PRKN: variants seen among roughly 807,000 people sequenced by gnomAD.
The protein encoded by PRKN is parkin RBR E3 ubiquitin protein ligase, also known as E3 ubiquitin-protein ligase parkin.
PRKN carries 56 observed loss-of-function variants against 59.5 expected under a neutral mutation model. The ratio of observed to expected loss-of-function variants is 0.94; its 90% confidence interval spans 0.76 to 1.18. The LOEUF is 1.18. PRKN is among the 50% of genes most tolerant of loss of function. The probability of loss-of-function intolerance (pLI) is 0.00; values close to 1 mark genes in which losing one functional copy is unlikely to be tolerated. For synonymous variants in PRKN, 250 were observed against 222.1 expected, an observed-to-expected ratio of 1.13 and a Z score of -1.12; for missense variants, 657 against 596.4, an observed-to-expected ratio of 1.10 and a Z score of -1.06.
chr6:161,420,118 G>A (rs1309234188), intron 9 of PRKN, among the ~76,000 whole-genome samples: 1 of 151,726 alleles, frequency 6.6e-6, no homozygotes, highest in Non-Finnish European at 1.5e-5. Flanking sequence ...CGTGCCTGTA[G>A]TCCCAGCTAC....
At chr6:162,673,188 G>A (rs1226688644) in intron 1 of PRKN, among the ~76,000 whole-genome samples, 1 of 152,152 alleles carries the variant, frequency 6.6e-6, no homozygotes, top group Non-Finnish European at 1.5e-5. Flanking sequence ...TGTAAACACT[G>A]AATGATAGTG....
intron 3 of PRKN, among the ~76,000 whole-genome samples, chr6:162,246,472 G>T (rs1016785241): frequency 6.6e-6 from 1 of 152,010 alleles, no homozygotes; most frequent in African/African-American, 2.4e-5. Flanking sequence ...ATGGAATACC[G>T]GCAAAATTCA....
rs144006251 is a variant in PRKN at position 162,694,523 on chromosome 6, C to T, written c.7+33139G>A. 4.5e-3 allele frequency among the ~76,000 whole-genome samples: 685 copies of T among 152,274 alleles called. 7 individuals carry two copies. The highest frequency in any genetic ancestry group is 0.015 in the African/African-American group (638 of 41,562). On this transcript the variant is annotated intron_variant, in intron 1 of 11. Transcript: ENST00000366898. ...ACATACCTTGAACCATAGTGACTCT[C>T]TTAAGGTTATTCAAAATTAAACTGT... is the stretch of plus-strand genomic sequence containing the variant.
intron 7 of PRKN, among the ~76,000 whole-genome samples, chr6:161,668,126 C>T (rs1784785510): frequency 6.6e-6 from 1 of 151,958 alleles, no homozygotes; most frequent in Non-Finnish European, 1.5e-5. Flanking sequence ...GTCTTGTTCG[C>T]TCATCTGGGA....
chr6:162,307,878 T>A (rs1464880409), intron 2 of PRKN, among the ~76,000 whole-genome samples: 1 of 152,220 alleles, frequency 6.6e-6, no homozygotes, highest in Non-Finnish European at 1.5e-5. Context: ...TGTTAATACA[T>A]TGTGAGATCA....
Position 161,414,342 on chromosome 6 carries a change from C to G in PRKN, c.1084-27465G>C, listed in dbSNP as rs1016920164. The stretch of plus-strand genomic sequence containing the variant: ...TGTTCTCGGGCGCTCTGTGTCAGGT[C>G]CTGGTATTTATTCCCAGATTCTGTT... On this transcript the variant is annotated intron_variant, in intron 9 of 11. Coordinates refer to ENST00000366898, the MANE Select transcript of PRKN (RefSeq NM_004562.3). This position sits in a 1 kb window ranked among gnomAD's most constrained non-coding sequence, Gnocchi z 5.3. Among the ~76,000 whole-genome samples the G allele has an allele frequency of 6.6e-6, 1 of 152,164 alleles. No homozygotes were observed. The highest frequency in any genetic ancestry group is 1.5e-5 in the Non-Finnish European group (1 of 68,034).
intron 2 of PRKN, among the ~76,000 whole-genome samples, chr6:162,407,716 T>C (rs1239465507): frequency 1.3e-5 from 2 of 152,178 alleles, no homozygotes; most frequent in African/African-American, 4.8e-5. Context: ...GGGTATAAAA[T>C]ACTTTCACAA....
intron 2 of PRKN, among the ~76,000 whole-genome samples, chr6:162,325,480 C>T (rs1783228037): frequency 6.6e-6 from 1 of 152,098 alleles, no homozygotes; most frequent in Non-Finnish European, 1.5e-5. Context: ...GGAACGCTGC[C>T]TCAGACATCT....
chr6:161,927,638 A>G (rs1452563328), intron 6 of PRKN, among the ~76,000 whole-genome samples: 1 of 152,208 alleles, frequency 6.6e-6, no homozygotes, highest in East Asian at 1.9e-4. Flanking sequence ...TTCATCTTTA[A>G]TGGAAATGAG....
intron 9 of PRKN, among the ~76,000 whole-genome samples, chr6:161,523,964 G>A (rs1778928936): frequency 1.3e-5 from 2 of 152,018 alleles, no homozygotes; most frequent in African/African-American, 4.8e-5. Flanking sequence ...GTATCACTTG[G>A]GAAGTAAGAG....
Position 161,876,470 on chromosome 6 carries a change from C to T in PRKN, c.735-90562G>A, listed in dbSNP as rs77113254. 4.5e-3 allele frequency among the ~76,000 whole-genome samples: 684 copies of T among 152,208 alleles called. 5 individuals are homozygous for T. The highest frequency in any genetic ancestry group is 0.016 in the African/African-American group (657 of 41,550). On this transcript the variant is annotated intron_variant, in intron 6 of 11. Transcript: ENST00000366898. ...GTGACTACAGGCGCATGCCGTCACA[C>T]CCAGCTAATTTTTTAAATGTTTTGT...
At chr6:161,607,579 C>A (rs1331216008) in intron 7 of PRKN, among the ~76,000 whole-genome samples, 2 of 151,944 alleles carry the variant, frequency 1.3e-5, no homozygotes, top group African/African-American at 2.4e-5. Context: ...GTTTGGAAAA[C>A]AAGTTTGGAG....
chr6:162,550,852 C>A (rs1455295658), intron 1 of PRKN, among the ~76,000 whole-genome samples: 1 of 152,152 alleles, frequency 6.6e-6, no homozygotes, highest in Non-Finnish European at 1.5e-5. Flanking sequence ...ACGCAGCCCA[C>A]TGGAGTGGCG....
chr6:162,067,683 T>C (rs1166037048), intron 4 of PRKN, among the ~76,000 whole-genome samples: 1 of 152,194 alleles, frequency 6.6e-6, no homozygotes, highest in Non-Finnish European at 1.5e-5. Flanking sequence ...GTGTAACGAA[T>C]ATATGCCACT....
chr6:162,162,020 G>A (rs1334411143), intron 4 of PRKN, among the ~76,000 whole-genome samples: 1 of 152,040 alleles, frequency 6.6e-6, no homozygotes, highest in Non-Finnish European at 1.5e-5. Context: ...TGATAAAAAA[G>A]TAATAAAACA....
chr6:161,596,251 C>T (rs1218666831), intron 7 of PRKN, among the ~76,000 whole-genome samples: 1 of 151,948 alleles, frequency 6.6e-6, no homozygotes, highest in Non-Finnish European at 1.5e-5. Flanking sequence ...TGCTCTTTCC[C>T]TAAAGAGAAG....
At chr6:161,569,307 G>C (rs10945756) in intron 8 of PRKN, 48 bp downstream of exon 8, 2 of 1,545,534 alleles carry the variant, frequency 1.3e-6, no homozygotes, top group African/African-American at 2.7e-5. Flanking sequence ...TCTCATTAGC[G>C]TCTATCTTTC....
At chr6:162,336,979 C>T (rs1053416816) in intron 2 of PRKN, among the ~76,000 whole-genome samples, 2 of 152,160 alleles carry the variant, frequency 1.3e-5, no homozygotes, top group African/African-American at 4.8e-5. Flanking sequence ...GTTGAGACTG[C>T]TAAGGACTCG....
At chr6:162,040,572 A>AT (rs35272845) in intron 5 of PRKN, among the ~76,000 whole-genome samples, 22,841 of 113,008 alleles carry the variant, frequency 0.2, 2,502 homozygotes, top group East Asian at 0.52. Context: ...ATGCCCGGCT[A>AT]TTTTTTTTTT....
Sources: allele counts gnomAD v4.1 joint callset (sites outside exome capture counted in the v4.1 genomes callset), GRCh38; gene constraint gnomAD v4.1.1; non-coding constraint Gnocchi (gnomAD v3.1); transcripts MANE v1.5; gene names NCBI Gene and HGNC (gene_info 2026-07-23, HGNC 2026-07-21).